The following RMDN2 variants were observed in gnomAD, a reference collection of about 807,000 sequenced individuals.
The protein encoded by RMDN2 is regulator of microtubule dynamics protein 2.
RMDN2 carries 61 observed loss-of-function variants against 52.8 expected under a neutral mutation model. The observed-to-expected ratio is 1.16, with a 90% CI of 0.94 to 1.43. The LOEUF is 1.43. Ranked by LOEUF, RMDN2 falls within the 40% of genes most tolerant of loss-of-function variation. RMDN2 has a pLI of 0.00. For synonymous variants in RMDN2, 180 were observed against 153.1 expected (o/e 1.18, Z -1.30); for missense variants, 592 against 475.3 (o/e 1.25, Z -2.28).
At chr2:38,060,023 G>A (rs1046503686) in intron 10 of RMDN2, among the ~76,000 whole-genome samples, 46 of 152,062 alleles carry the variant, frequency 3.0e-4, no homozygotes, top group African/African-American at 1.1e-3. Flanking sequence ...TCAGCCTCCC[G>A]AGTAGCTGGG....
intron 4 of RMDN2, among the ~76,000 whole-genome samples, chr2:37,979,937 C>A (rs1051834384): frequency 3.3e-5 from 5 of 152,140 alleles, no homozygotes; most frequent in Admixed American, 6.5e-5. Flanking sequence ...TTTGTTCACA[C>A]TGCAGTTAAT....
intron 2 of RMDN2, among the ~76,000 whole-genome samples, chr2:37,940,155 C>T (rs923782371): frequency 5.9e-5 from 9 of 152,052 alleles, no homozygotes; most frequent in Admixed American, 2.6e-4. Flanking sequence ...TAGTTTGGCT[C>T]GATATGAAGT....
intron 2 of RMDN2, among the ~76,000 whole-genome samples, chr2:37,950,769 T>TA (rs1235119476): frequency 6.6e-6 from 1 of 152,190 alleles, no homozygotes; most frequent in African/African-American, 2.4e-5. Context: ...GTTAATATTT[T>TA]AAAATACAAT....
intron 5 of RMDN2, among the ~76,000 whole-genome samples, chr2:37,982,204 A>C (rs1364475089): frequency 1.3e-5 from 2 of 152,222 alleles, no homozygotes; most frequent in Admixed American, 6.5e-5. Context: ...TGTCCCACAG[A>C]AGACTCATTT....
intron 5 of RMDN2, among the ~76,000 whole-genome samples, chr2:37,982,403 G>A (rs879861446): frequency 6.6e-6 from 1 of 152,162 alleles, no homozygotes; most frequent in Non-Finnish European, 1.5e-5. Flanking sequence ...TTTTGATGCT[G>A]CCCTCACATA....
chr2:37,993,076 G>A (rs1470827963), intron 7 of RMDN2, among the ~76,000 whole-genome samples: 3 of 151,988 alleles, frequency 2.0e-5, no homozygotes, highest in Non-Finnish European at 2.9e-5. Flanking sequence ...CACCACGCTC[G>A]GGTATTTTTT....
At chr2:37,985,302 T>C (rs1395590469) in intron 5 of RMDN2, among the ~76,000 whole-genome samples, 1 of 152,176 alleles carries the variant, frequency 6.6e-6, no homozygotes, top group African/African-American at 2.4e-5. Flanking sequence ...ATGGGTTGTT[T>C]TGTGCATCTC....
At chr2:37,954,326 C>T (rs1158189892) in intron 2 of RMDN2, among the ~76,000 whole-genome samples, 8 of 151,850 alleles carry the variant, frequency 5.3e-5, no homozygotes, top group African/African-American at 1.9e-4. Context: ...AGTTTTATAG[C>T]TTTAGGTTTT....
chr2:38,004,143 C>G lies in RMDN2; in HGVS notation c.1106C>G (p.Thr369Ser), dbSNP rs749885909. Residue 369 changes from threonine (T) to serine (S), a missense_variant, in exon 10 of 11, where the codon ACT becomes AGT. Thr to Ser is a moderately conservative substitution (Grantham distance 58, BLOSUM62 1). Transcript: ENST00000354545. ...GTTATTTCTCATTTCCAGTGTTATA[C>G]TGATCTTGAGGAAAACCAGAATGCT... ...PNYMYLAKCY[T>S]DLEENQNALK... 6.2e-7 allele frequency: 1 copy of G among 1,613,448 alleles called. No homozygotes were observed. The highest frequency in any genetic ancestry group is 1.1e-5 in the South Asian group (1 of 91,062).
chr2:38,010,225 C>G (rs1677762773), intron 10 of RMDN2, among the ~76,000 whole-genome samples: 1 of 152,220 alleles, frequency 6.6e-6, no homozygotes, highest in African/African-American at 2.4e-5. Context: ...AGAACCACTA[C>G]TCTCTTCAGT....
intron 3 of RMDN2, chr2:37,974,805 C>G (rs1467000589): frequency 5.9e-6 from 1 of 170,338 alleles, no homozygotes. Flanking sequence ...AAAAAAGTGA[C>G]TGCTCTTTTG....
intron 10 of RMDN2, among the ~76,000 whole-genome samples, chr2:38,063,856 CATT>C (rs932100199): frequency 2.9e-4 from 44 of 152,220 alleles, no homozygotes; most frequent in African/African-American, 1.1e-3. Context: ...TCAGTTTTGT[CATT>C]TTTTTAAAAA....
At chr2:38,066,441 T>C (rs1422478499) in intron 10 of RMDN2, among the ~76,000 whole-genome samples, 1 of 152,220 alleles carries the variant, frequency 6.6e-6, no homozygotes, top group Non-Finnish European at 1.5e-5. Flanking sequence ...ATATTTAATT[T>C]TTTTCTTCTT....
At chr2:37,944,740 A>G (rs1676165685) in intron 2 of RMDN2, among the ~76,000 whole-genome samples, 1 of 152,182 alleles carries the variant, frequency 6.6e-6, no homozygotes, top group Non-Finnish European at 1.5e-5. Context: ...ACTTATTTCA[A>G]GGAACTTGAC....
intron 10 of RMDN2, among the ~76,000 whole-genome samples, chr2:38,046,439 G>GA: frequency 6.6e-6 from 1 of 152,038 alleles, no homozygotes; most frequent in African/African-American, 2.4e-5. Context: ...AAAAAAAGCA[G>GA]AAAAATATCT....
intron 5 of RMDN2, among the ~76,000 whole-genome samples, chr2:37,988,817 T>G (rs1289554890): frequency 9.2e-5 from 14 of 152,222 alleles, no homozygotes; most frequent in Non-Finnish European, 2.9e-5. Context: ...CTTCAATTTT[T>G]CCAGTAAATA....
At chr2:38,001,357 G>A (rs1218628620) in intron 8 of RMDN2, among the ~76,000 whole-genome samples, 1 of 152,156 alleles carries the variant, frequency 6.6e-6, no homozygotes, top group African/African-American at 2.4e-5. Flanking sequence ...TCTAGAAACT[G>A]CCTCATCATT....
chr2:38,066,651 A>G (rs1682294985), intron 10 of RMDN2, among the ~76,000 whole-genome samples: 1 of 152,230 alleles, frequency 6.6e-6, no homozygotes, highest in Admixed American at 6.5e-5. Context: ...ACTTATGTCC[A>G]AAGCTGCATT....
At chr2:37,932,730 G>C (rs1353254390) in intron 2 of RMDN2, among the ~76,000 whole-genome samples, 1 of 147,488 alleles carries the variant, frequency 6.8e-6, no homozygotes, top group African/African-American at 2.5e-5. Context: ...GGCTGGCCGG[G>C]CAGAGGGGCT....
Sources: allele counts gnomAD v4.1 joint callset (sites outside exome capture counted in the v4.1 genomes callset), GRCh38; gene constraint gnomAD v4.1.1; transcripts MANE v1.5; gene names NCBI Gene and HGNC (gene_info 2026-07-23, HGNC 2026-07-21).